BEND7: variants seen among roughly 807,000 people sequenced by gnomAD.
The protein encoded by BEND7 is BEN domain-containing protein 7.
In BEND7, 28 loss-of-function variants were observed where a neutral mutation model predicts 50.9. The observed-to-expected ratio is 0.55, with a 90% CI of 0.41 to 0.75. BEND7 has a LOEUF of 0.75. Ranked by LOEUF, BEND7 falls within the 30% of genes least tolerant of loss-of-function variation. BEND7 has a pLI of 0.00. For missense variants in BEND7, 477 were observed against 491.3 expected (o/e 0.97, Z 0.28); for synonymous variants, 170 against 183.9 (o/e 0.92, Z 0.61).
At chr10:13,490,130 T>G (rs1199855571) in intron 5 of BEND7, among the ~76,000 whole-genome samples, 1 of 152,158 alleles carries the variant, frequency 6.6e-6, no homozygotes, top group Non-Finnish European at 1.5e-5. Flanking sequence ...GGCCCTTATG[T>G]TTGTGTTTGT....
rs144387509 is a variant in BEND7 at position 13,499,789 on chromosome 10, G to A, written c.437C>T (p.Thr146Met). The A allele has an allele frequency of 8.8e-4, 1,413 of 1,605,158 alleles. 3 individuals carry two copies. The highest frequency in any genetic ancestry group is 9.6e-4 in the Non-Finnish European group (1,130 of 1,173,362). ...RTFQSQPHPT[T>M]SSNGELPVVN... ...GTTGACAACCATACCATTGGAGCTC[G>A]TGGTAGGGTGGGGCTGGCTTTGGAA... is the stretch of plus-strand genomic sequence containing the variant. The change falls in exon 3 of 9, where the codon ACG becomes ATG. Residue 146 changes from threonine (T) to methionine (M), a missense_variant. This residue lies in a region of BEND7 where 396 missense variants were observed against 384.2 expected (regional missense o/e 1.03). Coordinates refer to ENST00000466271, the MANE Select transcript of BEND7 (RefSeq NM_001369863.1).
At position 13,500,020 on chromosome 10, in the gene BEND7, C is replaced by CT; in HGVS notation, c.205dup (p.Ser69LysfsTer36). Reference sequence around the variant, plus strand: ...AACTCGCTGATAGATCCGCCCAGTGCTGTCGTTCAGCAATCTTCTCATCCC... The same window carrying CT: ...AACTCGCTGATAGATCCGCCCAGTGCTTGTCGTTCAGCAATCTTCTCATCCC... On this transcript the variant is annotated frameshift_variant, in exon 3 of 9. Coordinates refer to ENST00000466271, the MANE Select transcript of BEND7 (RefSeq NM_001369863.1). LOFTEE classifies it high-confidence loss of function. 6.2e-7 allele frequency: 1 copy of CT among 1,613,674 alleles called. No individual in the cohort carries two copies. The highest frequency in any genetic ancestry group is 8.5e-7 in the Non-Finnish European group (1 of 1,179,580).
Position 13,492,855 on chromosome 10 carries a change from T to G in BEND7, c.593A>C (p.Gln198Pro). 1 of 1,600,356 alleles carries G rather than the reference T, an allele frequency of 6.2e-7. No homozygotes were observed. Among genetic ancestry groups the G allele is most frequent in the Non-Finnish European group, 8.5e-7 (1 of 1,176,998 alleles). ...IQAVGTQNRQ[Q>P]PPISLICSQR... ...GGAGCATATAAGGGAAATTGGAGGTTGTTGTCTGTTTTGAGTTCCAACTGC... is the reference window on the plus strand; with the variant it reads ...GGAGCATATAAGGGAAATTGGAGGTGGTTGTCTGTTTTGAGTTCCAACTGC... Residue 198 changes from glutamine to proline, a missense_variant, in exon 5 of 9, where the codon CAA becomes CCA. Gln to Pro is a moderately conservative substitution (Grantham distance 76). Around this residue, in one of 3 missense-constraint regions of BEND7, gnomAD observed 396 missense variants for 384.2 expected, o/e 1.03. Coordinates refer to ENST00000466271, the MANE Select transcript of BEND7 (RefSeq NM_001369863.1).
intron 2 of BEND7, among the ~76,000 whole-genome samples, chr10:13,524,486 T>C (rs1327623301): frequency 1.3e-5 from 2 of 151,720 alleles, no homozygotes; most frequent in African/African-American, 4.8e-5. Flanking sequence ...CTACTAAAAA[T>C]ACAAAAAATT....
chr10:13,522,539 A>G (rs2079151242), intron 2 of BEND7, among the ~76,000 whole-genome samples: 1 of 151,322 alleles, frequency 6.6e-6, no homozygotes, highest in African/African-American at 2.4e-5. Context: ...CACTTTCTAA[A>G]CCATAAGTGC....
At chr10:13,477,004 A>G (rs137970481) in intron 6 of BEND7, among the ~76,000 whole-genome samples, 151 of 152,330 alleles carry the variant, frequency 9.9e-4, no homozygotes, top group African/African-American at 3.5e-3. Context: ...TCTACAAAAG[A>G]GGCTTATATT....
chr10:13,452,751 A>G, intron 6 of BEND7, 93 bp from the exon 7 acceptor site: 1 of 1,237,658 alleles, frequency 8.1e-7, no homozygotes, highest in Middle Eastern at 2.5e-4. Flanking sequence ...AAAAAAGTAG[A>G]TTTCTAAAGG....
chr10:13,464,353 T>G (rs983748520), intron 6 of BEND7, among the ~76,000 whole-genome samples: 1 of 152,162 alleles, frequency 6.6e-6, no homozygotes, highest in African/African-American at 2.4e-5. Flanking sequence ...TGTGCTGAGA[T>G]GGACAAATCT....
intron 6 of BEND7, among the ~76,000 whole-genome samples, chr10:13,463,308 A>G (rs529337889): frequency 6.6e-5 from 10 of 152,354 alleles, no homozygotes; most frequent in Non-Finnish European, 1.5e-4. Flanking sequence ...GGAAGAAGAA[A>G]ACAACACAGA....
At chr10:13,453,392 T>C (rs1838222544) in intron 6 of BEND7, among the ~76,000 whole-genome samples, 1 of 152,206 alleles carries the variant, frequency 6.6e-6, no homozygotes, top group African/African-American at 2.4e-5. Flanking sequence ...AAGGTCAAGA[T>C]CTGGTAGGCC....
At chr10:13,506,011 C>T (rs569888971) in intron 2 of BEND7, among the ~76,000 whole-genome samples, 3 of 152,140 alleles carry the variant, frequency 2.0e-5, no homozygotes, top group African/African-American at 7.2e-5. Flanking sequence ...TTATCAAGCA[C>T]CTCCTAGGCT....
intron 7 of BEND7, among the ~76,000 whole-genome samples, chr10:13,447,937 G>C (rs1836782003): frequency 1.3e-5 from 2 of 152,234 alleles, no homozygotes; most frequent in South Asian, 4.1e-4. Flanking sequence ...ATGAATTCCT[G>C]CTGTAGAATT....
intron 5 of BEND7, among the ~76,000 whole-genome samples, chr10:13,488,086 CAAAAAAA>C (rs753018197): frequency 2.9e-5 from 2 of 68,528 alleles, no homozygotes; most frequent in Non-Finnish European, 7.2e-5. Flanking sequence ...GTCTCAATTA[CAAAAAAA>C]AAAAAAAAAA....
intron 1 of BEND7, among the ~76,000 whole-genome samples, chr10:13,526,549 C>A (rs770058693): frequency 2.0e-5 from 3 of 152,088 alleles, no homozygotes; most frequent in Non-Finnish European, 4.4e-5. Context: ...AATCATAGAG[C>A]AGGGGAGGTT....
chr10:13,489,092 G>A (rs1195226318), intron 5 of BEND7, among the ~76,000 whole-genome samples: 3 of 152,158 alleles, frequency 2.0e-5, no homozygotes, highest in Non-Finnish European at 4.4e-5. Context: ...TGTTCTAAGT[G>A]CTCCACAGGG....
intron 5 of BEND7, among the ~76,000 whole-genome samples, chr10:13,481,983 T>C (rs765080617): frequency 2.6e-5 from 4 of 152,262 alleles, no homozygotes; most frequent in Non-Finnish European, 5.9e-5. Flanking sequence ...ACCCAGTTCA[T>C]ACCCTTTCCT....
chr10:13,459,481 T>A (rs1392952285), intron 6 of BEND7: 1 of 152,230 alleles, frequency 6.6e-6, no homozygotes, highest in East Asian at 1.9e-4. Context: ...TTGATATCCA[T>A]CTATTGTATT....
In BEND7 at chr10:13,441,299, T is replaced by G. The variant is rs1326956862; in HGVS notation, c.*444A>C. ...TGAGACATTATCCATAGATATGGAT[T>G]TTTTTTTTGCTAAGAAAGCCTATAA... On this transcript the variant is annotated 3_prime_UTR_variant, in exon 9 of 9. Coordinates refer to ENST00000466271, the MANE Select transcript of BEND7 (RefSeq NM_001369863.1). 1.0e-6 allele frequency: 1 copy of G among 972,688 alleles called. No individual in the cohort carries two copies. The highest frequency in any genetic ancestry group is 1.8e-5 in the African/African-American group (1 of 56,836). The allele number at this position is 972,688 out of a possible 1,614,324, so 60.3% of individuals were successfully genotyped here. A position where few individuals can be genotyped will look rare whatever the true frequency, so the allele number is the denominator to read the frequency against.
At chr10:13,517,262 A>G (rs1305132528) in intron 2 of BEND7, among the ~76,000 whole-genome samples, 1 of 151,260 alleles carries the variant, frequency 6.6e-6, no homozygotes, top group Non-Finnish European at 1.5e-5. Flanking sequence ...TTTTTTGCAG[A>G]AGAGTGGTAA....
Sources: allele counts gnomAD v4.1 joint callset (sites outside exome capture counted in the v4.1 genomes callset), GRCh38; gene constraint gnomAD v4.1.1; regional missense constraint gnomAD v4.1.1; transcripts MANE v1.5; gene names NCBI Gene and HGNC (gene_info 2026-07-23, HGNC 2026-07-21).